The following ERC2 variants were observed in gnomAD, a reference collection of about 807,000 sequenced individuals.
ERC2 encodes the protein ELKS/RAB6-interacting/CAST family member 2.
In ERC2, 42 loss-of-function variants were observed where a neutral mutation model predicts 114.8. That is an observed-to-expected ratio of 0.37 (90% confidence interval 0.29 to 0.47). The LOEUF (loss-of-function observed/expected upper bound fraction) is 0.47. Ranked by LOEUF, ERC2 falls within the 20% of genes least tolerant of loss-of-function variation. The probability of loss-of-function intolerance (pLI) is 0.99; values close to 1 mark genes in which losing one functional copy is unlikely to be tolerated. For synonymous variants in ERC2, 454 were observed against 425.5 expected (o/e 1.07, Z -0.82); for missense variants, 939 against 1,150.7 (o/e 0.82, Z 2.66).
intron 2 of ERC2, among the ~76,000 whole-genome samples, chr3:56,334,238 G>T (rs933896674): frequency 6.6e-6 from 1 of 152,210 alleles, no homozygotes; most frequent in African/African-American, 2.4e-5. Context: ...AGCCAAATCT[G>T]CAGTAGGACT....
rs1174449911 is a variant in ERC2 at position 56,218,180 on chromosome 3, A to G, written c.1075-44660T>C. On this transcript the variant is annotated intron_variant, in intron 3 of 17. Coordinates refer to ENST00000288221, the MANE Select transcript of ERC2 (RefSeq NM_015576.3). Reference sequence around the variant, plus strand: ...AAAGAGCTTCTGCACAGCAAAAGAAACTACCATCAGAGTGAACAGGCAACC... The same window carrying G: ...AAAGAGCTTCTGCACAGCAAAAGAAGCTACCATCAGAGTGAACAGGCAACC... Among the ~76,000 whole-genome samples the G allele has an allele frequency of 3.9e-5, 6 of 152,230 alleles. No homozygotes were observed. The South Asian group carries it at 8.3e-4, about 21-fold the overall frequency.
chr3:56,214,305 G>C (rs547931859), intron 3 of ERC2, among the ~76,000 whole-genome samples: 34 of 151,730 alleles, frequency 2.2e-4, no homozygotes, highest in Non-Finnish European at 4.6e-4. Flanking sequence ...TAAAGGACCT[G>C]ATGGAGCTGA....
chr3:56,272,267 C>CA (rs949412539), intron 3 of ERC2, among the ~76,000 whole-genome samples: 1 of 152,118 alleles, frequency 6.6e-6, no homozygotes, highest in South Asian at 2.1e-4. Context: ...ATCACTTGAA[C>CA]AAAAAAAGTA....
At position 56,276,062 on chromosome 3, in the gene ERC2, A is replaced by C. The variant is rs185815008; in HGVS notation, c.1074+19957T>G. Among the ~76,000 whole-genome samples, 14 of 152,316 alleles carry C rather than the reference A, an allele frequency of 9.2e-5. No homozygotes were observed. The East Asian group carries it at 2.7e-3, about 29-fold the overall frequency. On this transcript the variant is annotated intron_variant, in intron 3 of 17. Transcript: ENST00000288221. The stretch of plus-strand genomic sequence containing the variant: ...GAGTTAAAGGTAGCTCTAGTACTTA[A>C]GAAATTCTCCATAAAGCCTGATAGA...
intron 6 of ERC2, among the ~76,000 whole-genome samples, chr3:56,129,676 G>T (rs944740285): frequency 6.6e-6 from 1 of 152,068 alleles, no homozygotes; most frequent in African/African-American, 2.4e-5. Context: ...TTGGCTAATT[G>T]GATATTGTCG....
intron 14 of ERC2, among the ~76,000 whole-genome samples, chr3:55,876,839 C>A (rs1414211668): frequency 6.6e-6 from 1 of 152,174 alleles, no homozygotes; most frequent in African/African-American, 2.4e-5. Context: ...AGAACTGTGT[C>A]AATTCCACTG....
intron 14 of ERC2, among the ~76,000 whole-genome samples, chr3:55,810,998 A>AATTCCC (rs1291106530): frequency 6.6e-6 from 1 of 152,170 alleles, no homozygotes; most frequent in Non-Finnish European, 1.5e-5. Context: ...AGAAACCTAC[A>AATTCCC]ATTCCCATGT....
At chr3:56,303,086 G>T (rs2055993244) in intron 2 of ERC2, among the ~76,000 whole-genome samples, 2 of 152,190 alleles carry the variant, frequency 1.3e-5, no homozygotes, top group Non-Finnish European at 2.9e-5. Context: ...TGTCTGCAAA[G>T]ATTCAAAATT....
intron 13 of ERC2, among the ~76,000 whole-genome samples, chr3:55,912,208 A>T (rs1287761859): frequency 6.6e-6 from 1 of 152,202 alleles, no homozygotes; most frequent in African/African-American, 2.4e-5. Context: ...CCCACAGGTG[A>T]GGAGAGAGAG....
intron 1 of ERC2, among the ~76,000 whole-genome samples, chr3:56,442,262 C>T (rs2062351792): frequency 6.6e-6 from 1 of 151,962 alleles, no homozygotes; most frequent in Admixed American, 6.6e-5. Flanking sequence ...CTATTGTCAC[C>T]CAGGCTGGAG....
At chr3:55,795,898 A>G (rs1469804680) in intron 14 of ERC2, among the ~76,000 whole-genome samples, 5 of 152,232 alleles carry the variant, frequency 3.3e-5, no homozygotes, top group African/African-American at 1.2e-4. Flanking sequence ...TTGGCCAGGA[A>G]CTGTGCCAGG....
intron 12 of ERC2, chr3:55,955,297 G>A (rs1036670857): frequency 1.0e-5 from 4 of 394,556 alleles, no homozygotes; most frequent in East Asian, 7.4e-5. Flanking sequence ...TGTAAGTGGG[G>A]TATAAATACA....
At chr3:56,045,607 GGTAA>G (rs1301288132) in intron 7 of ERC2, among the ~76,000 whole-genome samples, 1 of 152,050 alleles carries the variant, frequency 6.6e-6, no homozygotes, top group African/African-American at 2.4e-5. Flanking sequence ...AATGCTATAC[GGTAA>G]CTTTGAGCAC....
intron 2 of ERC2, among the ~76,000 whole-genome samples, chr3:56,327,566 C>T (rs1479891654): frequency 6.6e-6 from 1 of 152,186 alleles, no homozygotes; most frequent in Middle Eastern, 3.2e-3. Flanking sequence ...GTCCCAGCTA[C>T]TCAGGAGGCT....
intron 14 of ERC2, among the ~76,000 whole-genome samples, chr3:55,795,076 T>C (rs529197153): frequency 3.9e-4 from 60 of 152,342 alleles, no homozygotes; most frequent in South Asian, 3.9e-3. Flanking sequence ...ATATAGATTT[T>C]CCACTGACTA....
intron 13 of ERC2, among the ~76,000 whole-genome samples, chr3:55,895,202 C>G (rs1422425033): frequency 6.6e-6 from 1 of 152,180 alleles, no homozygotes; most frequent in African/African-American, 2.4e-5. Flanking sequence ...GGTTAGGTTA[C>G]TGCATGTTAG....
chr3:56,162,757 G>C (rs902675598), intron 4 of ERC2, among the ~76,000 whole-genome samples: 3 of 151,708 alleles, frequency 2.0e-5, no homozygotes, highest in Admixed American at 6.6e-5. Context: ...AATTTATTTG[G>C]ATCTTTTTTT....
intron 17 of ERC2, among the ~76,000 whole-genome samples, chr3:55,583,387 T>TTCCTTCCTTCC (rs1559692058): frequency 7.8e-5 from 10 of 127,678 alleles, no homozygotes; most frequent in African/African-American, 3.1e-4. Context: ...TCCTTCTTTC[T>TTCCTTCCTTCC]TTCCTTCCTT....
chr3:55,992,341 G>A, intron 10 of ERC2, 91 bp from the exon 11 acceptor site: 1 of 1,185,648 alleles, frequency 8.4e-7, no homozygotes, highest in Non-Finnish European at 1.2e-6. Context: ...ATTAACTTTG[G>A]AGAGAAAATC....
Sources: gnomAD v4.1 joint callset for allele counts (sites outside exome capture counted in the v4.1 genomes callset) on GRCh38, gnomAD v4.1.1 for gene constraint, MANE v1.5 for transcripts, NCBI Gene and HGNC (gene_info 2026-07-23, HGNC 2026-07-21) for gene names.